Variants in CHMP4C observed in about 807,000 individuals in gnomAD.
CHMP4C encodes charged multivesicular body protein 4C.
CHMP4C carries 28 observed loss-of-function variants against 29.0 expected under a neutral mutation model. The observed-to-expected ratio is 0.97, with a 90% CI of 0.72 to 1.32. CHMP4C has a LOEUF of 1.32. CHMP4C is among the 40% of genes most tolerant of loss of function. CHMP4C has a pLI of 0.00. For missense variants in CHMP4C, 291 were observed against 281.0 expected, an observed-to-expected ratio of 1.04 and a Z score of -0.25; for synonymous variants, 106 against 102.4, an observed-to-expected ratio of 1.04 and a Z score of -0.21.
intron 2 of CHMP4C, 152 bp from the exon 3 acceptor site, chr8:81,755,218 C>G (rs1250999214): frequency 5.1e-6 from 2 of 390,644 alleles, no homozygotes. Context: ...TATAAGTTAT[C>G]TTTAAAGTTT....
Position 81,732,603 on chromosome 8 carries a change from GC to G in CHMP4C, c.-23del. The G allele has an allele frequency of 6.6e-7, 1 of 1,514,408 alleles. No individual in the cohort carries two copies. Among genetic ancestry groups the G allele is most frequent in the Admixed American group, 2.2e-5 (1 of 45,652 alleles). The allele number at this position is 1,514,408 out of a possible 1,614,324, so 93.8% of individuals were successfully genotyped here. ...GAGCTCCCGAGAGGCCCCCGGGATC[GC>G]TGGCCCTCCGAACTCCACAGCAATG... On this transcript the variant is annotated 5_prime_UTR_variant, in exon 1 of 5. Coordinates refer to ENST00000297265, the MANE Select transcript of CHMP4C (RefSeq NM_152284.4).
At chr8:81,735,949 G>T (rs1808682983) in intron 1 of CHMP4C, among the ~76,000 whole-genome samples, 1 of 151,936 alleles carries the variant, frequency 6.6e-6, no homozygotes, top group South Asian at 2.1e-4. Flanking sequence ...AGCCGGATGT[G>T]GTGGAGCGTG....
At chr8:81,734,934 C>T (rs1808668251) in intron 1 of CHMP4C, among the ~76,000 whole-genome samples, 1 of 151,682 alleles carries the variant, frequency 6.6e-6, no homozygotes, top group Non-Finnish European at 1.5e-5. Flanking sequence ...TACTCTATCG[C>T]CCAGGCTGGA....
chr8:81,744,938 C>T (rs1585943493), intron 1 of CHMP4C, among the ~76,000 whole-genome samples: 1 of 152,176 alleles, frequency 6.6e-6, no homozygotes, highest in African/African-American at 2.4e-5. Flanking sequence ...TAATGGGATG[C>T]CTCTGGCCAA....
In CHMP4C at chr8:81,743,523, T is replaced by C. The variant is rs184260488; in HGVS notation, c.191-9541T>C. ...CAATTAATTAGATTTTTACAAAGAATATAAAATAGATTTTAATTAGTGTAT... is the reference window on the plus strand; with the variant it reads ...CAATTAATTAGATTTTTACAAAGAACATAAAATAGATTTTAATTAGTGTAT... On this transcript the variant is annotated intron_variant, in intron 1 of 4. Transcript: ENST00000297265. 1.1e-4 allele frequency among the ~76,000 whole-genome samples: 16 copies of C among 152,264 alleles called. No homozygotes were observed. In the South Asian group the frequency reaches 2.1e-3, roughly 20 times the overall value.
At chr8:81,735,435 A>G (rs941836506) in intron 1 of CHMP4C, among the ~76,000 whole-genome samples, 6 of 130,194 alleles carry the variant, frequency 4.6e-5, no homozygotes, top group African/African-American at 1.6e-4. Context: ...CTTCATATAC[A>G]TAGTTAACTG....
intron 3 of CHMP4C, 36 bp from the exon 4 acceptor site, chr8:81,758,106 G>A (rs757050161): frequency 5.6e-6 from 9 of 1,604,376 alleles, no homozygotes; most frequent in Admixed American, 1.7e-5. Flanking sequence ...GTCTTGAAAC[G>A]TTAACTCCAT....
chr8:81,758,720 G>A lies in CHMP4C; in HGVS notation c.*176G>A. ...GGAGTCATGTGCATACATAGAATCA[G>A]TGATGGAGGCCAGGCACGGTATCTC... On this transcript the variant is annotated 3_prime_UTR_variant, in exon 5 of 5. Transcript: ENST00000297265. 1.7e-6 allele frequency: 1 copy of A among 589,322 alleles called. No homozygotes were observed. The highest frequency in any genetic ancestry group is 2.2e-5 in the South Asian group (1 of 45,044). The allele number at this position is 589,322 out of a possible 1,614,324, so 36.5% of individuals were successfully genotyped here.
intron 1 of CHMP4C, among the ~76,000 whole-genome samples, chr8:81,742,790 A>G (rs1455260687): frequency 6.6e-6 from 1 of 152,224 alleles, no homozygotes; most frequent in Non-Finnish European, 1.5e-5. Flanking sequence ...TATTAACTGT[A>G]GAAAAAAAAT....
intron 1 of CHMP4C, among the ~76,000 whole-genome samples, chr8:81,742,459 G>A (rs1454143971): frequency 6.6e-6 from 1 of 152,202 alleles, no homozygotes; most frequent in South Asian, 2.1e-4. Context: ...GTTTACATGT[G>A]TATGTTTAAC....
intron 1 of CHMP4C, among the ~76,000 whole-genome samples, chr8:81,745,930 T>C (rs1563620568): frequency 1.3e-5 from 2 of 152,216 alleles, no homozygotes; most frequent in South Asian, 2.1e-4. Flanking sequence ...AATGTCCTTT[T>C]TGGCCAAATC....
chr8:81,757,366 C>A, intron 3 of CHMP4C, among the ~76,000 whole-genome samples: 1 of 152,250 alleles, frequency 6.6e-6, no homozygotes, highest in Admixed American at 6.5e-5. Context: ...CCTCATAATT[C>A]CATCAATGAC....
chr8:81,732,563 C>A lies in CHMP4C; in HGVS notation c.-64C>A. The A allele has an allele frequency of 7.7e-7, 1 of 1,304,816 alleles. No individual in the cohort carries two copies. Among genetic ancestry groups the A allele is most frequent in the Non-Finnish European group, 1.0e-6 (1 of 961,230 alleles). The allele number at this position is 1,304,816 out of a possible 1,614,324, so 80.8% of individuals were successfully genotyped here. A position where few individuals can be genotyped will look rare whatever the true frequency, so the allele number is the denominator to read the frequency against. On this transcript the variant is annotated 5_prime_UTR_variant, in exon 1 of 5. Transcript: ENST00000297265. ...GGACTGCCTTGCTCACCTGTCCCCT[C>A]GGCGCGGCCCCGGGGAGCTCCCGAG...
chr8:81,753,524 G>T (rs935745690), intron 2 of CHMP4C, among the ~76,000 whole-genome samples: 2 of 152,084 alleles, frequency 1.3e-5, no homozygotes, highest in African/African-American at 4.8e-5. Flanking sequence ...TTTAAAAAAG[G>T]CTTCGATTTC....
chr8:81,748,763 T>C (rs1293927703), intron 1 of CHMP4C, among the ~76,000 whole-genome samples: 1 of 151,792 alleles, frequency 6.6e-6, no homozygotes, highest in Admixed American at 6.6e-5. Context: ...CTATCTCTAA[T>C]AAAAATACAA....
intron 1 of CHMP4C, among the ~76,000 whole-genome samples, chr8:81,743,520 G>T (rs1808788565): frequency 6.6e-6 from 1 of 151,964 alleles, no homozygotes; most frequent in Admixed American, 6.6e-5. Flanking sequence ...TTTTTACAAA[G>T]AATATAAAAT....
intron 1 of CHMP4C, among the ~76,000 whole-genome samples, chr8:81,735,950 G>A (rs1808683010): frequency 6.6e-6 from 1 of 151,960 alleles, no homozygotes; most frequent in Admixed American, 6.6e-5. Context: ...GCCGGATGTG[G>A]TGGAGCGTGT....
In CHMP4C at chr8:81,732,829, C is replaced by G; in HGVS notation, c.190+13C>G. The G allele has an allele frequency of 6.2e-7, 1 of 1,608,526 alleles. No homozygotes were observed. The highest frequency in any genetic ancestry group is 8.5e-7 in the Non-Finnish European group (1 of 1,177,470). Reference sequence around the variant, plus strand: ...CAGAATAAGCGAGGTAGGCTGGGGTCTGGCCCACAGGCGGGAGCCCATCTG... The same window carrying G: ...CAGAATAAGCGAGGTAGGCTGGGGTGTGGCCCACAGGCGGGAGCCCATCTG... On this transcript the variant is annotated intron_variant, in intron 1 of 4. Transcript: ENST00000297265.
At chr8:81,739,722 G>C (rs1808740331) in intron 1 of CHMP4C, among the ~76,000 whole-genome samples, 1 of 152,196 alleles carries the variant, frequency 6.6e-6, no homozygotes, top group Non-Finnish European at 1.5e-5. Context: ...CCATTGCAAG[G>C]ATCCAATATA....
Sources: allele counts gnomAD v4.1 joint callset (sites outside exome capture counted in the v4.1 genomes callset), GRCh38; gene constraint gnomAD v4.1.1; transcripts MANE v1.5; gene names NCBI Gene and HGNC (gene_info 2026-07-23, HGNC 2026-07-21).